The following VAV2 variants were observed in gnomAD, a reference collection of about 807,000 sequenced individuals.
VAV2 encodes guanine nucleotide exchange factor VAV2.
In VAV2, 67 loss-of-function variants were observed where a neutral mutation model predicts 132.5. The ratio of observed to expected loss-of-function variants is 0.51; its 90% confidence interval spans 0.42 to 0.62. The LOEUF (loss-of-function observed/expected upper bound fraction) is 0.62. Ranked by LOEUF, VAV2 falls within the 20% of genes least tolerant of loss-of-function variation. The pLI is 0.00. For synonymous variants in VAV2, 492 were observed against 443.5 expected (o/e 1.11, Z -1.37); for missense variants, 938 against 1,153.6 (o/e 0.81, Z 2.71).
At chr9:133,897,535 C>T (rs936120106) in intron 2 of VAV2, among the ~76,000 whole-genome samples, 2 of 152,152 alleles carry the variant, frequency 1.3e-5, no homozygotes, top group African/African-American at 4.8e-5. Flanking sequence ...CTTCCTGTCT[C>T]CCCCAGCCCA....
In VAV2 at chr9:133,923,995, G is replaced by A. The variant is rs145343232; in HGVS notation, c.321+15108C>T. ...ATCACATACTGCAGCCTGTCGGGGG[G>A]TGGGGGACTAGGGGAGGGAGAGCAT... On this transcript the variant is annotated intron_variant, in intron 2 of 29. Coordinates refer to ENST00000371850, the MANE Select transcript of VAV2 (RefSeq NM_001134398.2). 4.0e-4 allele frequency among the ~76,000 whole-genome samples: 61 copies of A among 152,002 alleles called. No individual in the cohort carries two copies. The East Asian group carries it at 0.012, about 29-fold the overall frequency.
At chr9:133,849,647 C>A (rs1252413295) in intron 3 of VAV2, among the ~76,000 whole-genome samples, 1 of 152,216 alleles carries the variant, frequency 6.6e-6, no homozygotes, top group Non-Finnish European at 1.5e-5. Context: ...AGCCTGAGAT[C>A]CAGGTGCTGC....
At chr9:133,831,263 T>C (rs545418748) in intron 4 of VAV2, among the ~76,000 whole-genome samples, 213 of 152,054 alleles carry the variant, frequency 1.4e-3, no homozygotes, top group African/African-American at 4.9e-3. Context: ...CGGTGAAACC[T>C]TGTCTCTACT....
chr9:133,892,906 G>T (rs1839036834), intron 2 of VAV2, among the ~76,000 whole-genome samples: 1 of 152,216 alleles, frequency 6.6e-6, no homozygotes, highest in South Asian at 2.1e-4. Flanking sequence ...CCATCCACGG[G>T]GAACTTGCCC....
chr9:133,764,148 G>A, intron 29 of VAV2, 39 bp from the exon 30 acceptor site: 2 of 1,612,916 alleles, frequency 1.2e-6, no homozygotes, highest in Non-Finnish European at 1.7e-6. Context: ...GTGTGTGTGT[G>A]TGTGTGTAAG....
intron 4 of VAV2, among the ~76,000 whole-genome samples, chr9:133,820,698 C>T (rs916253323): frequency 1.1e-4 from 16 of 152,174 alleles, no homozygotes; most frequent in African/African-American, 2.4e-5. Context: ...GGTTCACTTA[C>T]GTCATGACCA....
intron 2 of VAV2, among the ~76,000 whole-genome samples, chr9:133,866,258 A>G (rs1439049238): frequency 6.6e-6 from 1 of 152,176 alleles, no homozygotes. Context: ...TTCTAAGCCT[A>G]GTAATCATGT....
chr9:133,771,617 C>T (rs909947126), intron 26 of VAV2, among the ~76,000 whole-genome samples: 6 of 152,164 alleles, frequency 3.9e-5, no homozygotes, highest in Middle Eastern at 3.2e-3. Context: ...CCCGGCCAGG[C>T]CCCAGCTGGA....
chr9:133,777,566 G>A, intron 22 of VAV2, 103 bp from the exon 23 acceptor site: 1 of 1,162,666 alleles, frequency 8.6e-7, no homozygotes, highest in Admixed American at 1.9e-5. Context: ...CGCTCCTGGA[G>A]GGTGGGAGAG....
At chr9:133,948,780 T>C (rs189471112) in intron 1 of VAV2, among the ~76,000 whole-genome samples, 22 of 152,376 alleles carry the variant, frequency 1.4e-4, no homozygotes, top group African/African-American at 4.6e-4. Flanking sequence ...CACGAAGCCC[T>C]TGACGTTCCT....
intron 4 of VAV2, among the ~76,000 whole-genome samples, chr9:133,832,570 T>C (rs1366600791): frequency 6.7e-6 from 1 of 149,580 alleles, no homozygotes; most frequent in Non-Finnish European, 1.5e-5. Context: ...TTTTTTTTTT[T>C]TACCCCAGAC....
rs1834187375 is a variant in VAV2 at position 133,785,629 on chromosome 9, G to A, written c.1532+147C>T. On this transcript the variant is annotated intron_variant, in intron 17 of 29. Transcript: ENST00000371850. Reference sequence around the variant, plus strand: ...TGCTTGAGGCTGGCGTCCCAGGGGTGATGGAGGTTGTCTGTGTCCCTGACG... The same window carrying A: ...TGCTTGAGGCTGGCGTCCCAGGGGTAATGGAGGTTGTCTGTGTCCCTGACG... 9 of 647,070 alleles carry A rather than the reference G, an allele frequency of 1.4e-5. 1 individual carries two copies. Among genetic ancestry groups the A allele is most frequent in the African/African-American group, 1.8e-5 (1 of 54,770 alleles). The allele number at this position is 647,070 out of a possible 1,614,324, so 40.1% of individuals were successfully genotyped here. A position where few individuals can be genotyped will look rare whatever the true frequency, so the allele number is the denominator to read the frequency against.
At chr9:133,792,079 G>C (rs866056562) in intron 12 of VAV2, among the ~76,000 whole-genome samples, 13 of 149,394 alleles carry the variant, frequency 8.7e-5, no homozygotes, top group Non-Finnish European at 5.9e-5. Context: ...GTGTGTGTGT[G>C]AGACAGCATG....
intron 19 of VAV2, among the ~76,000 whole-genome samples, chr9:133,782,959 G>A (rs1834062413): frequency 6.6e-6 from 1 of 152,186 alleles, no homozygotes; most frequent in African/African-American, 2.4e-5. Flanking sequence ...CCCACTGCCA[G>A]CCTGGCTCAA....
At chr9:133,808,325 G>C (rs986873968) in intron 7 of VAV2, among the ~76,000 whole-genome samples, 4 of 152,220 alleles carry the variant, frequency 2.6e-5, no homozygotes, top group African/African-American at 9.6e-5. Context: ...TGGGCCCAAG[G>C]GGGCAGCCCA....
At chr9:133,825,691 G>T (rs1473815940) in intron 4 of VAV2, among the ~76,000 whole-genome samples, 1 of 152,094 alleles carries the variant, frequency 6.6e-6, no homozygotes, top group Admixed American at 6.5e-5. Flanking sequence ...CGGCGGGGAG[G>T]GTGGGCCATA....
Position 133,861,434 on chromosome 9 carries a change from T to A in VAV2, c.322-2A>T. 1 of 1,613,034 alleles carries A rather than the reference T, an allele frequency of 6.2e-7. No homozygotes were observed. Among genetic ancestry groups the A allele is most frequent in the Non-Finnish European group, 8.5e-7 (1 of 1,179,650 alleles). ...GAGCCTCGACACCGCGGAGATGACC[T>A]GGGGGAGACAAGAAGAGACGCTCCT... On this transcript the variant is annotated splice_acceptor_variant, in intron 2 of 29. Transcript: ENST00000371850. LOFTEE classifies it high-confidence loss of function.
At chr9:133,973,335 C>T (rs1159900745) in intron 1 of VAV2, among the ~76,000 whole-genome samples, 2 of 152,196 alleles carry the variant, frequency 1.3e-5, no homozygotes, top group East Asian at 1.9e-4. Context: ...AGTTCAGAAA[C>T]GTGCCAAAGT....
At position 133,961,529 on chromosome 9, in the gene VAV2, C is replaced by T. The variant is rs903479263; in HGVS notation, c.205-22310G>A. 2.6e-5 allele frequency among the ~76,000 whole-genome samples: 4 copies of T among 152,184 alleles called. No homozygotes were observed. The highest frequency in any genetic ancestry group is 9.7e-5 in the African/African-American group (4 of 41,434). ...AGGCATGGAGGGAGCCCTTTCCCAC[C>T]CCCCGCTCAACAGGAACACAGCTGC... On this transcript the variant is annotated intron_variant, in intron 1 of 29. Coordinates refer to ENST00000371850, the MANE Select transcript of VAV2 (RefSeq NM_001134398.2). This position sits in a 1 kb window ranked among gnomAD's most constrained non-coding sequence, Gnocchi z 4.1.
Sources: gnomAD v4.1 joint callset for allele counts (sites outside exome capture counted in the v4.1 genomes callset) on GRCh38, gnomAD v4.1.1 for gene constraint, Gnocchi (gnomAD v3.1) non-coding constraint, MANE v1.5 for transcripts, NCBI Gene and HGNC (gene_info 2026-07-23, HGNC 2026-07-21) for gene names.